The following PSMC1 variants were observed in gnomAD, a reference collection of about 807,000 sequenced individuals.
PSMC1 encodes the protein 26S proteasome regulatory subunit 4.
A neutral mutation model predicts 49.8 loss-of-function variants in PSMC1; 5 were observed. That is an observed-to-expected ratio of 0.10 (90% CI 0.05 to 0.21). The LOEUF is 0.21. PSMC1 is among the 10% of genes least tolerant of loss of function. The probability of loss-of-function intolerance (pLI) is 1.00; values close to 1 mark genes in which losing one functional copy is unlikely to be tolerated. For synonymous variants in PSMC1, 155 were observed against 192.1 expected (o/e 0.81, Z 1.60); for missense variants, 181 against 535.7 (o/e 0.34, Z 6.54).
chr14:90,257,161 C>G (rs1891310812), intron 1 of PSMC1, among the ~76,000 whole-genome samples: 2 of 152,060 alleles, frequency 1.3e-5, no homozygotes, highest in South Asian at 4.1e-4. Flanking sequence ...AAACAGCTAG[C>G]ATTTATTCAT....
In PSMC1 at chr14:90,272,077, A is replaced by G; in HGVS notation, c.1189-196A>G. 1 of 419,136 alleles carries G rather than the reference A, an allele frequency of 2.4e-6. No individual in the cohort carries two copies. The highest frequency in any genetic ancestry group is 2.5e-5 in the South Asian group (1 of 40,262). 26.0% of individuals were successfully genotyped at this position (419,136 alleles called of 1,614,324 possible). A position where few individuals can be genotyped will look rare whatever the true frequency, so the allele number is the denominator to read the frequency against. On this transcript the variant is annotated intron_variant, in intron 10 of 10. Coordinates refer to ENST00000261303, the MANE Select transcript of PSMC1 (RefSeq NM_002802.3). This position sits in a 1 kb window ranked among gnomAD's most constrained non-coding sequence, Gnocchi z 4.5. Reference sequence around the variant, plus strand: ...CTGGCTAACTTTTTGTATTTTTAGTAGAGATGGGGTTTCACCGTGTTGGCC... The same window carrying G: ...CTGGCTAACTTTTTGTATTTTTAGTGGAGATGGGGTTTCACCGTGTTGGCC...
intron 1 of PSMC1, among the ~76,000 whole-genome samples, chr14:90,257,484 T>A (rs1196087275): frequency 6.6e-6 from 1 of 152,126 alleles, no homozygotes; most frequent in Non-Finnish European, 1.5e-5. Context: ...CCCCTGCAGA[T>A]GTCTGAGGGA....
At chr14:90,263,594 A>C in intron 4 of PSMC1, 68 bp from the exon 5 acceptor site, 1 of 1,547,474 alleles carries the variant, frequency 6.5e-7, no homozygotes, top group Non-Finnish European at 8.9e-7. Flanking sequence ...TTGTAAATCT[A>C]GCGAACTATC....
Position 90,263,661 on chromosome 14 carries a change from G to C in PSMC1, c.280-1G>C. 6.2e-7 allele frequency: 1 copy of C among 1,613,072 alleles called. No individual in the cohort carries two copies. The highest frequency in any genetic ancestry group is 1.7e-5 in the Admixed American group (1 of 59,972). Reference sequence around the variant, plus strand: ...TTTTCCCTTGGCATTTTCATATGTAGGAGGAAAGATCAAAAGTGGATGATC... The same window carrying C: ...TTTTCCCTTGGCATTTTCATATGTACGAGGAAAGATCAAAAGTGGATGATC... On this transcript the variant is annotated splice_acceptor_variant, in intron 4 of 10. Coordinates refer to ENST00000261303, the MANE Select transcript of PSMC1 (RefSeq NM_002802.3). LOFTEE classifies it high-confidence loss of function.
At chr14:90,269,131 C>T in intron 8 of PSMC1, 2 of 411,136 alleles carry the variant, frequency 4.9e-6, no homozygotes, top group South Asian at 7.3e-5. Flanking sequence ...AAGGCTCTGC[C>T]TCATGCCTTT....
intron 2 of PSMC1, among the ~76,000 whole-genome samples, chr14:90,259,584 TA>T (rs1293400289): frequency 6.6e-5 from 10 of 152,194 alleles, no homozygotes; most frequent in Middle Eastern, 3.2e-3. Flanking sequence ...ATAATATGGC[TA>T]ATTGTCACTT....
chr14:90,259,924 C>CATTTACTTATTATAATCAT (rs1891365195), intron 2 of PSMC1, among the ~76,000 whole-genome samples, 191 bp from the exon 3 acceptor site: 1 of 151,972 alleles, frequency 6.6e-6, no homozygotes. Context: ...ACCCAGCCTA[C>CATTTACTTATTATAATCAT]ATTTACTTAT....
rs1365412005 is a variant in PSMC1 at position 90,273,907 on chromosome 14, T to A, written c.*1500T>A. The A allele has an allele frequency of 6.5e-6, 1 of 154,910 alleles. No homozygotes were observed. The highest frequency in any genetic ancestry group is 1.9e-4 in the East Asian group (1 of 5,196). 9.6% of individuals were successfully genotyped at this position (154,910 alleles called of 1,614,324 possible). On this transcript the variant is annotated 3_prime_UTR_variant, in exon 11 of 11. Coordinates refer to ENST00000261303, the MANE Select transcript of PSMC1 (RefSeq NM_002802.3). ...CCTTCTTTCTGCCTGCCTTTTCTAT[T>A]CTTATGGATCCTTGTGATTGCATTG...
intron 2 of PSMC1, among the ~76,000 whole-genome samples, chr14:90,259,653 A>T (rs1891359063): frequency 1.3e-5 from 2 of 151,546 alleles, no homozygotes; most frequent in African/African-American, 4.8e-5. Context: ...TATTATTGAG[A>T]CGGAGTCACC....
rs1402262650 is a variant in PSMC1 at position 90,273,589 on chromosome 14, A to AATT, written c.*1183_*1185dup. ...AAATAAATAAATAAATAAAAACCAC[A>AATT]ATTTTATCTCAGTTCTGTAGGTCAG... On this transcript the variant is annotated 3_prime_UTR_variant, in exon 11 of 11. Coordinates refer to ENST00000261303, the MANE Select transcript of PSMC1 (RefSeq NM_002802.3). The AATT allele has an allele frequency of 6.6e-6, 1 of 152,258 alleles. No individual in the cohort carries two copies. Among genetic ancestry groups the AATT allele is most frequent in the Non-Finnish European group, 1.5e-5 (1 of 68,124 alleles). 9.4% of individuals were successfully genotyped at this position (152,258 alleles called of 1,614,324 possible). A position where few individuals can be genotyped will look rare whatever the true frequency, so the allele number is the denominator to read the frequency against.
At chr14:90,263,873 G>A in intron 5 of PSMC1, 26 bp downstream of exon 5, 1 of 1,612,678 alleles carries the variant, frequency 6.2e-7, no homozygotes, top group Non-Finnish European at 8.5e-7. Flanking sequence ...TTTTCAGAAA[G>A]CCCACGGAAG....
chr14:90,269,012 AC>A (rs893072327), intron 8 of PSMC1: 1 of 164,934 alleles, frequency 6.1e-6, no homozygotes, highest in African/African-American at 2.4e-5. Flanking sequence ...TGCTCAGGGG[AC>A]AAACAAAAGA....
intron 8 of PSMC1, 51 bp downstream of exon 8, chr14:90,268,464 G>T (rs1468909153): frequency 6.4e-7 from 1 of 1,564,910 alleles, no homozygotes; most frequent in African/African-American, 1.4e-5. Context: ...ACACCGCATA[G>T]CTCTTCTCTT....
chr14:90,274,943 C>T lies in PSMC1; in HGVS notation c.*2536C>T, dbSNP rs1339193334. The T allele has an allele frequency of 6.6e-6, 1 of 152,168 alleles. No individual in the cohort carries two copies. Among genetic ancestry groups the T allele is most frequent in the African/African-American group, 2.4e-5 (1 of 41,390 alleles). 9.4% of individuals were successfully genotyped at this position (152,168 alleles called of 1,614,324 possible). ...GTTCAGTTAGAAAGGGAAAGTCACA[C>T]TGGAGATGCCCAGCAGACACCGTCT... On this transcript the variant is annotated 3_prime_UTR_variant, in exon 11 of 11. Coordinates refer to ENST00000261303, the MANE Select transcript of PSMC1 (RefSeq NM_002802.3).
chr14:90,265,546 G>A (rs539394416), intron 7 of PSMC1, among the ~76,000 whole-genome samples: 9 of 151,902 alleles, frequency 5.9e-5, no homozygotes, highest in Admixed American at 4.6e-4. Flanking sequence ...AAAATTAGCC[G>A]GGTGTGGTGA....
chr14:90,269,066 G>C (rs1171255363), intron 8 of PSMC1: 1 of 187,724 alleles, frequency 5.3e-6, no homozygotes, highest in African/African-American at 2.3e-5. Context: ...TTTTTTATAA[G>C]GAATACATGC....
At chr14:90,268,008 T>C (rs563463595) in intron 7 of PSMC1, 131 of 437,674 alleles carry the variant, frequency 3.0e-4, no homozygotes, top group African/African-American at 2.5e-3. Flanking sequence ...TTCAGCAAAA[T>C]AGCTAAGGAT....
Position 90,260,245 on chromosome 14 carries a change from G to C in PSMC1, c.154+34G>C, listed in dbSNP as rs376897287. 2.7e-6 allele frequency: 4 copies of C among 1,479,602 alleles called. No homozygotes were observed. The East Asian group carries it at 9.1e-5, about 34-fold the overall frequency. The allele number at this position is 1,479,602 out of a possible 1,614,324, so 91.7% of individuals were successfully genotyped here. On this transcript the variant is annotated intron_variant, in intron 3 of 10. Transcript: ENST00000261303. The stretch of plus-strand genomic sequence containing the variant: ...ATGGCTTCTCCTTGCCATCTTTCCA[G>C]TTCTTAGGATAAACCATCTCTGTGC...
chr14:90,256,721 G>A (rs2139638732), intron 1 of PSMC1, 121 bp downstream of exon 1: 5 of 1,458,802 alleles, frequency 3.4e-6, no homozygotes, highest in African/African-American at 1.4e-5. Flanking sequence ...CCTTTTGCCG[G>A]CCTGATCTTC....
Sources: allele counts gnomAD v4.1 joint callset (sites outside exome capture counted in the v4.1 genomes callset), GRCh38; gene constraint gnomAD v4.1.1; non-coding constraint Gnocchi (gnomAD v3.1); transcripts MANE v1.5; gene names NCBI Gene and HGNC (gene_info 2026-07-23, HGNC 2026-07-21).